Variants in SHLD2 observed in about 807,000 individuals in gnomAD.
SHLD2 encodes the protein RINN1-REV7-interacting novel NHEJ regulator 2.
In SHLD2, 30 loss-of-function variants were observed where a neutral mutation model predicts 73.2. The observed-to-expected ratio is 0.41, with a 90% CI of 0.31 to 0.56. The LOEUF is 0.56. Ranked by LOEUF, SHLD2 falls within the 20% of genes least tolerant of loss-of-function variation. The pLI is 0.28. For synonymous variants in SHLD2, 285 were observed against 370.1 expected (o/e 0.77, Z 2.64); for missense variants, 745 against 1,055.9 (o/e 0.71, Z 4.08).
intron 3 of SHLD2, among the ~76,000 whole-genome samples, chr10:87,155,711 A>T (rs1176377894): frequency 6.6e-6 from 1 of 151,920 alleles, no homozygotes; most frequent in African/African-American, 2.4e-5. Context: ...AGGTAGGTGT[A>T]AACTCAACTC....
chr10:87,121,676 A>G (rs1374372481), intron 2 of SHLD2, among the ~76,000 whole-genome samples: 2 of 152,038 alleles, frequency 1.3e-5, no homozygotes, highest in Non-Finnish European at 2.9e-5. Context: ...AACATTGTGA[A>G]CGAATGTTGG....
chr10:87,118,829 G>A (rs1194076713), intron 2 of SHLD2, among the ~76,000 whole-genome samples: 3 of 151,904 alleles, frequency 2.0e-5, no homozygotes, highest in Non-Finnish European at 2.9e-5. Context: ...GTGTAGTGCT[G>A]TGGAAATTAT....
At chr10:87,104,195 C>G (rs1031144663) in intron 2 of SHLD2, among the ~76,000 whole-genome samples, 1 of 148,718 alleles carries the variant, frequency 6.7e-6, no homozygotes, top group Non-Finnish European at 1.5e-5. Flanking sequence ...CGAGATTGTG[C>G]CACTGCACTC....
In SHLD2 at chr10:87,190,984, T is replaced by TG. The variant is rs1278196251; in HGVS notation, c.*302dup. 1 of 399,594 alleles carries TG rather than the reference T, an allele frequency of 2.5e-6. No homozygotes were observed. The highest frequency in any genetic ancestry group is 4.6e-6 in the Non-Finnish European group (1 of 217,586). The allele number at this position is 399,594 out of a possible 1,614,324, so 24.8% of individuals were successfully genotyped here. A position where few individuals can be genotyped will look rare whatever the true frequency, so the allele number is the denominator to read the frequency against. On this transcript the variant is annotated 3_prime_UTR_variant, in exon 10 of 10. Coordinates refer to ENST00000298786, the MANE Select transcript of SHLD2 (RefSeq NM_001330112.2). ...CCATTTGTTCACTGTATTTAGTCCC[T>TG]GCTACATTCCAGGCATTGTACTAAG...
rs1847936595 is a variant in SHLD2 at position 87,176,105 on chromosome 10, T to C, written c.2170+10T>C. On this transcript the variant is annotated intron_variant, in intron 7 of 9. Coordinates refer to ENST00000298786, the MANE Select transcript of SHLD2 (RefSeq NM_001330112.2). Reference sequence around the variant, plus strand: ...GAGGATAAGTGTTCAGGTAAGATCTTTATATACATAAATTCTGCTATTTTT... The same window carrying C: ...GAGGATAAGTGTTCAGGTAAGATCTCTATATACATAAATTCTGCTATTTTT... 1.3e-6 allele frequency: 2 copies of C among 1,548,198 alleles called. No homozygotes were observed. Among genetic ancestry groups the C allele is most frequent in the East Asian group, 2.4e-5 (1 of 40,906 alleles).
intron 2 of SHLD2, among the ~76,000 whole-genome samples, chr10:87,145,086 G>A (rs1845506685): frequency 6.7e-6 from 1 of 148,854 alleles, no homozygotes; most frequent in Non-Finnish European, 1.5e-5. Context: ...GACTACAGGG[G>A]CCCACCACCA....
chr10:87,173,716 C>A, intron 6 of SHLD2, among the ~76,000 whole-genome samples: 1 of 150,972 alleles, frequency 6.6e-6, no homozygotes, highest in Admixed American at 6.6e-5. Context: ...ACATAAAAAC[C>A]ACCATGTACA....
chr10:87,108,497 G>A (rs1365717746), intron 2 of SHLD2, among the ~76,000 whole-genome samples: 1 of 152,114 alleles, frequency 6.6e-6, no homozygotes, highest in Non-Finnish European at 1.5e-5. Context: ...TAGAGATGAG[G>A]TCTTGCTATG....
intron 2 of SHLD2, among the ~76,000 whole-genome samples, chr10:87,149,935 G>C (rs1283406910): frequency 1.3e-5 from 2 of 152,004 alleles, no homozygotes; most frequent in African/African-American, 4.8e-5. Flanking sequence ...TTTTTGTAGA[G>C]ATGGTGGTCT....
At chr10:87,181,561 C>A (rs1041472137) in intron 8 of SHLD2, among the ~76,000 whole-genome samples, 11 of 151,818 alleles carry the variant, frequency 7.2e-5, no homozygotes, top group Non-Finnish European at 1.6e-4. Flanking sequence ...GGGAGGAGGG[C>A]CTTTGAATCT....
intron 3 of SHLD2, among the ~76,000 whole-genome samples, chr10:87,153,541 C>T (rs531663901): frequency 6.6e-6 from 1 of 152,268 alleles, no homozygotes; most frequent in African/African-American, 2.4e-5. Context: ...TGGTATTATA[C>T]CAACTTCATA....
Position 87,170,571 on chromosome 10 carries a change from C to T in SHLD2, c.1727C>T (p.Pro576Leu). The stretch of plus-strand genomic sequence containing the variant: ...CTCAGAGATCTTCCTCCGAGGCAGC[C>T]TCAGAGGGTGAACAGTATAGACTTT... The part of the protein sequence containing the change: ...SYLRDLPPRQ[P>L]QRVNSIDFVE... Residue 576 changes from proline (P) to leucine (L), a missense_variant, in exon 5 of 10, where the codon CCT becomes CTT. Physicochemically the swap from Pro to Leu is moderately conservative, Grantham distance 98. Transcript: ENST00000298786. 1 of 1,613,690 alleles carries T rather than the reference C, an allele frequency of 6.2e-7. No individual in the cohort carries two copies. The highest frequency in any genetic ancestry group is 2.2e-5 in the East Asian group (1 of 44,866).
chr10:87,096,146 A>G (rs1841857737), intron 1 of SHLD2, among the ~76,000 whole-genome samples: 1 of 148,542 alleles, frequency 6.7e-6, no homozygotes, highest in African/African-American at 2.5e-5. Context: ...GGTTCGTTCT[A>G]GCGATTCTCC....
At chr10:87,142,835 G>A (rs1411966856) in intron 2 of SHLD2, among the ~76,000 whole-genome samples, 2 of 150,142 alleles carry the variant, frequency 1.3e-5, no homozygotes, top group African/African-American at 4.9e-5. Context: ...GGAGATGAAA[G>A]CAAGCACAGG....
intron 2 of SHLD2, among the ~76,000 whole-genome samples, chr10:87,137,027 T>C (rs985491120): frequency 2.0e-5 from 3 of 152,194 alleles, no homozygotes; most frequent in African/African-American, 7.2e-5. Context: ...GGAAGTAAAA[T>C]ATTACTTAAT....
At chr10:87,190,426 G>T in intron 9 of SHLD2, 58 bp from the exon 10 acceptor site, 1 of 1,345,980 alleles carries the variant, frequency 7.4e-7, no homozygotes. Flanking sequence ...CATTCAATGT[G>T]TGTGCTCCTG....
At chr10:87,165,331 G>A (rs1847123623) in intron 4 of SHLD2, among the ~76,000 whole-genome samples, 1 of 152,126 alleles carries the variant, frequency 6.6e-6, no homozygotes, top group Non-Finnish European at 1.5e-5. Context: ...GCATTGCATA[G>A]TCTCAAAGTA....
At chr10:87,120,009 T>G (rs576034416) in intron 2 of SHLD2, among the ~76,000 whole-genome samples, 39 of 152,090 alleles carry the variant, frequency 2.6e-4, no homozygotes, top group African/African-American at 9.2e-4. Flanking sequence ...AATAGGTTGG[T>G]TTGAGTTGTA....
chr10:87,098,027 G>A (rs777965835), intron 2 of SHLD2, among the ~76,000 whole-genome samples: 1 of 152,044 alleles, frequency 6.6e-6, no homozygotes, highest in Admixed American at 6.6e-5. Flanking sequence ...CACCGAAAGT[G>A]CTGGGATTAC....
Sources: gnomAD v4.1 joint callset for allele counts (sites outside exome capture counted in the v4.1 genomes callset) on GRCh38, gnomAD v4.1.1 for gene constraint, MANE v1.5 for transcripts, NCBI Gene and HGNC (gene_info 2026-07-23, HGNC 2026-07-21) for gene names.